SLC16A10: variants seen among roughly 807,000 people sequenced by gnomAD.
SLC16A10 encodes the protein monocarboxylate transporter 10.
A neutral mutation model predicts 40.0 loss-of-function variants in SLC16A10; 27 were observed. That is an observed-to-expected ratio of 0.67 (90% CI 0.50 to 0.93). SLC16A10 has a LOEUF of 0.93. Ranked by LOEUF, SLC16A10 falls within the 40% of genes least tolerant of loss-of-function variation. SLC16A10 has a pLI of 0.00. For synonymous variants in SLC16A10, 213 were observed against 249.8 expected (o/e 0.85, Z 1.39); for missense variants, 529 against 658.2 (o/e 0.80, Z 2.15).
At chr6:111,208,977 G>A (rs975571965) in intron 4 of SLC16A10, among the ~76,000 whole-genome samples, 18 of 152,100 alleles carry the variant, frequency 1.2e-4, no homozygotes, top group African/African-American at 4.3e-4. Flanking sequence ...TGAAGCAGGA[G>A]GATCACTTGA....
chr6:111,121,695 G>T (rs758121318), intron 1 of SLC16A10, among the ~76,000 whole-genome samples: 7 of 151,846 alleles, frequency 4.6e-5, no homozygotes, highest in South Asian at 2.1e-4. Flanking sequence ...TTTTCCTTTG[G>T]TTTTTTTTCC....
intron 1 of SLC16A10, among the ~76,000 whole-genome samples, chr6:111,132,806 T>C (rs1304616842): frequency 6.6e-6 from 1 of 152,152 alleles, no homozygotes; most frequent in Admixed American, 6.5e-5. Context: ...TCCTCCCAGG[T>C]AATTGAGGGA....
intron 3 of SLC16A10, among the ~76,000 whole-genome samples, chr6:111,202,202 G>A (rs956549958): frequency 1.3e-5 from 2 of 152,244 alleles, no homozygotes; most frequent in African/African-American, 4.8e-5. Context: ...ACGGCCGGGT[G>A]TGGTGGCTCA....
chr6:111,144,905 G>T (rs1267332954), intron 1 of SLC16A10, among the ~76,000 whole-genome samples: 1 of 152,100 alleles, frequency 6.6e-6, no homozygotes, highest in Non-Finnish European at 1.5e-5. Flanking sequence ...AGTGCTGATT[G>T]CAGCCTTGAC....
At chr6:111,180,840 C>T (rs1772776470) in intron 3 of SLC16A10, among the ~76,000 whole-genome samples, 1 of 152,084 alleles carries the variant, frequency 6.6e-6, no homozygotes, top group Admixed American at 6.5e-5. Flanking sequence ...AAGTAACTTG[C>T]TTGAGGTCAC....
intron 4 of SLC16A10, among the ~76,000 whole-genome samples, chr6:111,218,169 C>T (rs1770807061): frequency 6.6e-6 from 1 of 152,142 alleles, no homozygotes; most frequent in Non-Finnish European, 1.5e-5. Flanking sequence ...TGATTGAGCA[C>T]TGACCAGATA....
chr6:111,159,239 G>A (rs1370481088), intron 1 of SLC16A10, among the ~76,000 whole-genome samples: 4 of 152,030 alleles, frequency 2.6e-5, no homozygotes, highest in Admixed American at 2.0e-4. Flanking sequence ...GACTACAAAT[G>A]TGTGAATCTA....
chr6:111,155,853 C>T (rs1363750837), intron 1 of SLC16A10, among the ~76,000 whole-genome samples: 1 of 152,110 alleles, frequency 6.6e-6, no homozygotes, highest in East Asian at 1.9e-4. Flanking sequence ...GCCATGACAT[C>T]CCTGTTGCAA....
At chr6:111,156,323 G>T (rs1772269639) in intron 1 of SLC16A10, among the ~76,000 whole-genome samples, 1 of 152,142 alleles carries the variant, frequency 6.6e-6, no homozygotes, top group Admixed American at 6.5e-5. Context: ...TTCCTTCCAG[G>T]AGTGCAGTAT....
chr6:111,094,103 AT>A (rs1001696557), intron 1 of SLC16A10, among the ~76,000 whole-genome samples: 1 of 152,104 alleles, frequency 6.6e-6, no homozygotes, highest in Non-Finnish European at 1.5e-5. Context: ...AGCATAACAC[AT>A]TTTTTCAGGA....
At chr6:111,153,828 T>C (rs1176418662) in intron 1 of SLC16A10, among the ~76,000 whole-genome samples, 1 of 152,232 alleles carries the variant, frequency 6.6e-6, no homozygotes. Context: ...CTTACAAAGA[T>C]AAGATGCTTG....
Position 111,177,889 on chromosome 6 carries a change from C to T in SLC16A10, c.942+224C>T, listed in dbSNP as rs146355836. On this transcript the variant is annotated intron_variant, in intron 3 of 5. Coordinates refer to ENST00000368851, the MANE Select transcript of SLC16A10 (RefSeq NM_018593.5). ...GTGCTTTGGTATTTTAAAAACCCTG[C>T]AAACCCAGCCAGACACCATGGTGCC... is the stretch of plus-strand genomic sequence containing the variant. 3.2e-3 allele frequency among the ~76,000 whole-genome samples: 488 copies of T among 152,184 alleles called. 5 individuals carry two copies. Among genetic ancestry groups the T allele is most frequent in the African/African-American group, 0.011 (453 of 41,504 alleles).
chr6:111,137,046 G>T (rs755006076), intron 1 of SLC16A10, among the ~76,000 whole-genome samples: 1 of 152,152 alleles, frequency 6.6e-6, no homozygotes, highest in Non-Finnish European at 1.5e-5. Context: ...TTACACTGCT[G>T]TAAGAAAGGA....
At chr6:111,217,673 A>G (rs1038405593) in intron 4 of SLC16A10, among the ~76,000 whole-genome samples, 2 of 151,956 alleles carry the variant, frequency 1.3e-5, no homozygotes, top group Non-Finnish European at 2.9e-5. Flanking sequence ...GATGGTCTCG[A>G]TCTCCCGACC....
chr6:111,117,386 T>C (rs540152612), intron 1 of SLC16A10, among the ~76,000 whole-genome samples: 1 of 134,114 alleles, frequency 7.5e-6, no homozygotes, highest in African/African-American at 2.8e-5. Context: ...AGTGGGAGGG[T>C]CAAAGCCAAT....
Position 111,177,583 on chromosome 6 carries a change from T to C in SLC16A10, c.860T>C (p.Ile287Thr), listed in dbSNP as rs1772711243. ...CCAAAAAAAATTTTCAATTTTGCCATCTTCAAGGTGACAGCTTATGCAGTG... is the reference window on the plus strand; with the variant it reads ...CCAAAAAAAATTTTCAATTTTGCCACCTTCAAGGTGACAGCTTATGCAGTG... Reference protein sequence around the residue: ...SPPKKIFNFAIFKVTAYAVWA... With the variant: ...SPPKKIFNFATFKVTAYAVWA... Residue 287 changes from isoleucine to threonine, a missense_variant, in exon 3 of 6, where the codon ATC (isoleucine) becomes ACC (threonine). Physicochemically the swap from Ile to Thr is moderately conservative, Grantham distance 89. Coordinates refer to ENST00000368851, the MANE Select transcript of SLC16A10 (RefSeq NM_018593.5). 6.2e-7 allele frequency: 1 copy of C among 1,611,824 alleles called. No individual in the cohort carries two copies. Among genetic ancestry groups the C allele is most frequent in the Non-Finnish European group, 8.5e-7 (1 of 1,179,108 alleles).
chr6:111,206,212 G>A (rs1201001890), intron 3 of SLC16A10, among the ~76,000 whole-genome samples: 4 of 151,940 alleles, frequency 2.6e-5, no homozygotes, highest in Admixed American at 2.0e-4. Flanking sequence ...GAGTAGCTGG[G>A]ATTACAGGCA....
chr6:111,121,527 C>T (rs552482152), intron 1 of SLC16A10, among the ~76,000 whole-genome samples: 1 of 152,214 alleles, frequency 6.6e-6, no homozygotes, highest in East Asian at 1.9e-4. Context: ...TGCCACTGCA[C>T]CCCAGCTTGG....
At chr6:111,192,878 A>G (rs1489845635) in intron 3 of SLC16A10, among the ~76,000 whole-genome samples, 2 of 152,212 alleles carry the variant, frequency 1.3e-5, no homozygotes, top group Non-Finnish European at 2.9e-5. Context: ...AAGTCCCACC[A>G]GGTCCCTCCT....
Sources: allele counts gnomAD v4.1 joint callset (sites outside exome capture counted in the v4.1 genomes callset), GRCh38; gene constraint gnomAD v4.1.1; transcripts MANE v1.5; gene names NCBI Gene and HGNC (gene_info 2026-07-23, HGNC 2026-07-21).